The following PTPRD variants were observed in gnomAD, a reference collection of about 807,000 sequenced individuals.
PTPRD encodes receptor-type tyrosine-protein phosphatase delta.
In PTPRD, 34 loss-of-function variants were observed where a neutral mutation model predicts 214.5. That is an observed-to-expected ratio of 0.16 (90% CI 0.12 to 0.21). The LOEUF is 0.21. Among genes scored for constraint, PTPRD ranks in the 10% least tolerant of loss-of-function variants. PTPRD has a pLI of 1.00. For synonymous variants in PTPRD, 1,128 were observed against 845.7 expected, an observed-to-expected ratio of 1.33 and a Z score of -5.79; for missense variants, 2,545 against 2,398.7, an observed-to-expected ratio of 1.06 and a Z score of -1.27.
At chr9:8,410,718 G>C (rs1432264256) in intron 35 of PTPRD, among the ~76,000 whole-genome samples, 1 of 152,086 alleles carries the variant, frequency 6.6e-6, no homozygotes, top group Non-Finnish European at 1.5e-5. Context: ...TTAAAATTCT[G>C]GCTTCAGATA....
At chr9:10,302,085 C>T (rs1019135456) in intron 3 of PTPRD, among the ~76,000 whole-genome samples, 3 of 152,150 alleles carry the variant, frequency 2.0e-5, no homozygotes, top group African/African-American at 7.2e-5. Flanking sequence ...GGCAGAAACC[C>T]TACAAGCCAG....
At chr9:10,242,233 T>A (rs1047144266) in intron 3 of PTPRD, among the ~76,000 whole-genome samples, 4 of 151,970 alleles carry the variant, frequency 2.6e-5, no homozygotes, top group Non-Finnish European at 5.9e-5. Context: ...ACAGGATCAT[T>A]TTCAGTTCTC....
At position 9,893,911 on chromosome 9, in the gene PTPRD, C is replaced by G. The variant is rs1470103553; in HGVS notation, c.-368+44596G>C. ...TCATAGCTCACTGTAACCTTAAACT[C>G]AAACAATCCTCCTGTCTCAACCTTT... On this transcript the variant is annotated intron_variant, in intron 5 of 45. Coordinates refer to ENST00000381196, the MANE Select transcript of PTPRD (RefSeq NM_002839.4). Among the ~76,000 whole-genome samples the G allele has an allele frequency of 2.6e-5, 4 of 152,110 alleles. No individual in the cohort carries two copies. In the East Asian group the frequency reaches 7.7e-4, roughly 29 times the overall value.
chr9:8,899,243 A>G (rs1017119967), intron 11 of PTPRD, among the ~76,000 whole-genome samples: 1 of 152,176 alleles, frequency 6.6e-6, no homozygotes, highest in African/African-American at 2.4e-5. Flanking sequence ...GGGTCCCTCA[A>G]CTGGCATTTC....
intron 35 of PTPRD, among the ~76,000 whole-genome samples, chr9:8,426,440 A>G (rs1359986747): frequency 1.3e-5 from 2 of 152,172 alleles, no homozygotes; most frequent in Admixed American, 1.3e-4. Flanking sequence ...TAAAAATGCA[A>G]CTCAATAAAG....
Position 8,733,767 on chromosome 9 carries a change from G to C in PTPRD, c.64+13C>G, listed in dbSNP as rs541894486. The C allele has an allele frequency of 1.1e-5, 17 of 1,552,036 alleles. No individual in the cohort carries two copies. The African/African-American group carries it at 2.2e-4, about 20-fold the overall frequency. On this transcript the variant is annotated intron_variant, in intron 12 of 45. Transcript: ENST00000381196. ...ATGGTCACAGCCCCCTAGAGAAGGG[G>C]AGAATGGCTTACTCTCAGCATCCGT...
At chr9:9,234,294 C>A (rs969043553) in intron 9 of PTPRD, among the ~76,000 whole-genome samples, 2 of 152,206 alleles carry the variant, frequency 1.3e-5, no homozygotes, top group African/African-American at 4.8e-5. Flanking sequence ...ACAGCTGGAG[C>A]TGAAGCAACT....
At chr9:9,706,924 A>G (rs781612595) in intron 7 of PTPRD, among the ~76,000 whole-genome samples, 5 of 152,180 alleles carry the variant, frequency 3.3e-5, no homozygotes, top group East Asian at 1.9e-4. Context: ...AGTCTGAAAA[A>G]TCTTGCATCC....
At chr9:8,363,660 G>T (rs1332061526) in intron 39 of PTPRD, among the ~76,000 whole-genome samples, 2 of 152,226 alleles carry the variant, frequency 1.3e-5, no homozygotes, top group Non-Finnish European at 2.9e-5. Flanking sequence ...ATAGAGCAGT[G>T]AGAAAGAAAT....
At chr9:9,563,204 G>A (rs1443049778) in intron 8 of PTPRD, among the ~76,000 whole-genome samples, 1 of 152,154 alleles carries the variant, frequency 6.6e-6, no homozygotes, top group Non-Finnish European at 1.5e-5. Context: ...AGTAATAAAA[G>A]TTGTAAGGAG....
intron 12 of PTPRD, among the ~76,000 whole-genome samples, chr9:8,668,436 A>G (rs2097211871): frequency 1.3e-5 from 2 of 152,210 alleles, no homozygotes; most frequent in African/African-American, 4.8e-5. Context: ...ACAGTTTTCC[A>G]TGTGCTTCCT....
intron 3 of PTPRD, among the ~76,000 whole-genome samples, chr9:10,243,074 T>G (rs924622751): frequency 2.6e-5 from 4 of 152,018 alleles, no homozygotes; most frequent in African/African-American, 9.7e-5. Flanking sequence ...CTGAGGCAAT[T>G]TAGTTCCATT....
At chr9:10,109,088 C>A (rs573937791) in intron 3 of PTPRD, among the ~76,000 whole-genome samples, 5 of 152,080 alleles carry the variant, frequency 3.3e-5, no homozygotes, top group Non-Finnish European at 7.4e-5. Context: ...AAAAAAGAAA[C>A]AATGTGAACA....
At chr9:9,421,479 G>A (rs1036359706) in intron 8 of PTPRD, among the ~76,000 whole-genome samples, 1 of 152,026 alleles carries the variant, frequency 6.6e-6, no homozygotes, top group Admixed American at 6.6e-5. Flanking sequence ...TGCTTGAAAT[G>A]TCTTTGTGTG....
At chr9:8,627,310 C>G (rs1268268709) in intron 14 of PTPRD, among the ~76,000 whole-genome samples, 1 of 151,722 alleles carries the variant, frequency 6.6e-6, no homozygotes, top group Non-Finnish European at 1.5e-5. Flanking sequence ...TCAGACTTGG[C>G]CAAACCCGAT....
chr9:9,916,336 CACTATAGAAA>C (rs1326113045), intron 5 of PTPRD, among the ~76,000 whole-genome samples: 1 of 151,758 alleles, frequency 6.6e-6, no homozygotes, highest in Admixed American at 6.6e-5. Flanking sequence ...AAAACCATAT[CACTATAGAAA>C]ACCAACCAAC....
chr9:9,532,083 G>C (rs1262820251), intron 8 of PTPRD, among the ~76,000 whole-genome samples: 1 of 151,974 alleles, frequency 6.6e-6, no homozygotes, highest in Non-Finnish European at 1.5e-5. Flanking sequence ...ATAAGGACAA[G>C]TCTCATATAT....
chr9:9,171,628 C>G (rs1381995597), intron 10 of PTPRD, among the ~76,000 whole-genome samples: 1 of 151,736 alleles, frequency 6.6e-6, no homozygotes, highest in Non-Finnish European at 1.5e-5. Flanking sequence ...AATTAGAATT[C>G]TATGGGCGTA....
intron 4 of PTPRD, among the ~76,000 whole-genome samples, chr9:9,976,173 T>G (rs2095343521): frequency 6.6e-6 from 1 of 152,180 alleles, no homozygotes; most frequent in African/African-American, 2.4e-5. Flanking sequence ...TAAAATTTGA[T>G]ATGCCTGCAG....
Sources: allele counts gnomAD v4.1 joint callset (sites outside exome capture counted in the v4.1 genomes callset), GRCh38; gene constraint gnomAD v4.1.1; transcripts MANE v1.5; gene names NCBI Gene and HGNC (gene_info 2026-07-23, HGNC 2026-07-21).